ABHD2: variants seen among roughly 807,000 people sequenced by gnomAD.
The protein encoded by ABHD2 is abhydrolase domain containing 2, acylglycerol lipase.
In ABHD2, 20 loss-of-function variants were observed where a neutral mutation model predicts 48.1. The observed-to-expected ratio is 0.42, with a 90% CI of 0.29 to 0.60. The LOEUF (loss-of-function observed/expected upper bound fraction) is 0.60. ABHD2 is among the 20% of genes least tolerant of loss of function. The pLI is 0.24. For synonymous variants in ABHD2, 209 were observed against 214.2 expected, an observed-to-expected ratio of 0.98 and a Z score of 0.21; for missense variants, 405 against 550.9, an observed-to-expected ratio of 0.74 and a Z score of 2.65.
intron 4 of ABHD2, among the ~76,000 whole-genome samples, chr15:89,154,193 C>A (rs1374021912): frequency 6.6e-6 from 1 of 152,146 alleles, no homozygotes; most frequent in Non-Finnish European, 1.5e-5. Flanking sequence ...CTCAAACGAT[C>A]CTCCTGCCTC....
chr15:89,171,588 CT>C (rs1394365590), intron 5 of ABHD2, among the ~76,000 whole-genome samples: 5 of 152,170 alleles, frequency 3.3e-5, no homozygotes, highest in Non-Finnish European at 5.9e-5. Flanking sequence ...CGGCGATGTG[CT>C]ACCTGTGGAA....
Position 89,155,383 on chromosome 15 carries a change from C to T in ABHD2, c.387C>T (p.Val129=), listed in dbSNP as rs759714629. The T allele has an allele frequency of 1.1e-5, 18 of 1,613,974 alleles. 1 individual carries two copies. The South Asian group carries it at 1.9e-4, about 17-fold the overall frequency. ...ACGCTATAGATGATATCACCATGGTCATCTGCCCTGGAATTGCCAATCACA... is the reference window on the plus strand; with the variant it reads ...ACGCTATAGATGATATCACCATGGTTATCTGCCCTGGAATTGCCAATCACA... ...EHCVGDDITM[V]ICPGIANHSE... The change falls in exon 5 of 11, where the codon GTC becomes GTT. Residue 129 remains valine (V), a synonymous_variant. Coordinates refer to ENST00000352732, the MANE Select transcript of ABHD2 (RefSeq NM_152924.5). The surrounding 1 kb of genome is among the most constrained non-coding windows in gnomAD (Gnocchi z 4.9).
At chr15:89,158,313 G>A (rs951549791) in intron 5 of ABHD2, among the ~76,000 whole-genome samples, 3 of 152,232 alleles carry the variant, frequency 2.0e-5, no homozygotes, top group African/African-American at 7.2e-5. Context: ...GGATCTGGCT[G>A]CCGGAATCAT....
chr15:89,068,477 G>A, the ABHD2 span, among the ~76,000 whole-genome samples: 1 of 152,106 alleles, frequency 6.6e-6, no homozygotes, highest in Admixed American at 6.5e-5. Flanking sequence ...TCACCCACAT[G>A]TCTGGTGGTT....
At chr15:89,128,029 G>C (rs939753754) in intron 3 of ABHD2, among the ~76,000 whole-genome samples, 10 of 152,110 alleles carry the variant, frequency 6.6e-5, no homozygotes, top group African/African-American at 2.4e-4. Context: ...ATTCTGAGAG[G>C]CTTAAGGACA....
chr15:89,135,143 C>CTTTTCTTTTTTTTTTTTTTTT lies in ABHD2; in HGVS notation c.195-16530_195-16529insCTTTTTTTTTTTTTTTTTTTT, dbSNP rs1555429068. Among the ~76,000 whole-genome samples, 3 of 112,176 alleles carry CTTTTCTTTTTTTTTTTTTTTT rather than the reference C, an allele frequency of 2.7e-5. 1 individual carries two copies. The highest frequency in any genetic ancestry group is 5.7e-5 in the Non-Finnish European group (3 of 52,888). The allele number at this position is 112,176 out of a possible 152,430, so 73.6% of individuals were successfully genotyped here. On this transcript the variant is annotated intron_variant, in intron 3 of 10. Coordinates refer to ENST00000352732, the MANE Select transcript of ABHD2 (RefSeq NM_152924.5). The stretch of plus-strand genomic sequence containing the variant: ...GTCAACAAAATGGCTACAACTTTTT[C>CTTTTCTTTTTTTTTTTTTTTT]TTTTTTTTTTTTTTTTTTGCAATTA...
chr15:89,117,859 T>C (rs1255970771), intron 3 of ABHD2, among the ~76,000 whole-genome samples: 2 of 152,208 alleles, frequency 1.3e-5, no homozygotes, highest in Admixed American at 1.3e-4. Flanking sequence ...TGTACTATTA[T>C]GTGCTTTAGG....
chr15:89,115,372 GTGTGTGTGTGTGTGTGTGTGT>G (rs2049940413), intron 2 of ABHD2, among the ~76,000 whole-genome samples: 7 of 12,616 alleles, frequency 5.5e-4, no homozygotes, highest in African/African-American at 6.7e-4. Flanking sequence ...TTGGAGGTAT[GTGTGTGTGTGTGTGTGTGTGT>G]GTGTGTGTGT....
At chr15:89,059,239 A>C in the ABHD2 span, among the ~76,000 whole-genome samples, 15 of 152,136 alleles carry the variant, frequency 9.9e-5, no homozygotes, top group African/African-American at 3.6e-4. Context: ...ATCCAGGAAG[A>C]GGGGTACATC....
At chr15:89,060,918 G>T in the ABHD2 span, among the ~76,000 whole-genome samples, 1 of 151,856 alleles carries the variant, frequency 6.6e-6, no homozygotes, top group Non-Finnish European at 1.5e-5. Flanking sequence ...AAAAAATAAT[G>T]AAATCATGTC....
chr15:89,068,387 G>C, the ABHD2 span, among the ~76,000 whole-genome samples: 6 of 152,158 alleles, frequency 3.9e-5, no homozygotes, highest in Non-Finnish European at 7.3e-5. Flanking sequence ...CTGCTCCCTG[G>C]TGTCTGAGAC....
the ABHD2 span, among the ~76,000 whole-genome samples, chr15:89,043,647 GAGA>G: frequency 2.3e-5 from 3 of 131,418 alleles, no homozygotes; most frequent in African/African-American, 5.6e-5. Flanking sequence ...GAGGAGGAAG[GAGA>G]AGGAGGAGGA....
At chr15:89,070,074 T>C in the ABHD2 span, 5 of 152,368 alleles carry the variant, frequency 3.3e-5, no homozygotes, top group Admixed American at 2.0e-4. Context: ...CAGTTATTTC[T>C]CACTTATACT....
At chr15:89,142,061 T>C (rs943946635) in intron 3 of ABHD2, among the ~76,000 whole-genome samples, 1 of 152,226 alleles carries the variant, frequency 6.6e-6, no homozygotes, top group African/African-American at 2.4e-5. Flanking sequence ...TTATCATGTT[T>C]GTTTTATCAT....
At chr15:89,063,721 A>G in the ABHD2 span, among the ~76,000 whole-genome samples, 1 of 152,126 alleles carries the variant, frequency 6.6e-6, no homozygotes, top group African/African-American at 2.4e-5. Flanking sequence ...TTATACATCT[A>G]TCACCACGAT....
rs2051418068 is a variant in ABHD2, at chr15:89,197,128, C to G, written c.*1705C>G. 6.6e-6 allele frequency: 1 copy of G among 152,654 alleles called. No individual in the cohort carries two copies. Among genetic ancestry groups the G allele is most frequent in the Non-Finnish European group, 1.5e-5 (1 of 68,058 alleles). The allele number at this position is 152,654 out of a possible 1,614,324, so 9.5% of individuals were successfully genotyped here. Reference sequence around the variant, plus strand: ...GTGGTTTGGGCACGGGTCCAAGTGACTGTGACGGGACCCGTGGGCATGGGT... The same window carrying G: ...GTGGTTTGGGCACGGGTCCAAGTGAGTGTGACGGGACCCGTGGGCATGGGT... On this transcript the variant is annotated 3_prime_UTR_variant, in exon 11 of 11. Coordinates refer to ENST00000352732, the MANE Select transcript of ABHD2 (RefSeq NM_152924.5). The surrounding 1 kb of genome is among the most constrained non-coding windows in gnomAD (Gnocchi z 4.4).
At chr15:89,072,726 C>A in the ABHD2 span, among the ~76,000 whole-genome samples, 2 of 152,160 alleles carry the variant, frequency 1.3e-5, no homozygotes, top group African/African-American at 4.8e-5. Flanking sequence ...GGTATTCACC[C>A]ATTCATCCAT....
chr15:89,191,008 C>G, intron 8 of ABHD2, 72 bp from the exon 9 acceptor site: 1 of 1,474,866 alleles, frequency 6.8e-7, no homozygotes, highest in East Asian at 2.3e-5. Context: ...GAGCCATCGT[C>G]GGCTCAGCAT....
chr15:89,060,726 C>G, the ABHD2 span, among the ~76,000 whole-genome samples: 1 of 152,004 alleles, frequency 6.6e-6, no homozygotes, highest in African/African-American at 2.4e-5. Context: ...CTGTGGAACA[C>G]TTGAAACGTA....
Sources: allele counts gnomAD v4.1 joint callset (sites outside exome capture counted in the v4.1 genomes callset), GRCh38; gene constraint gnomAD v4.1.1; non-coding constraint Gnocchi (gnomAD v3.1); transcripts MANE v1.5; gene names NCBI Gene and HGNC (gene_info 2026-07-23, HGNC 2026-07-21).